The following PLB1 variants were observed in gnomAD, a reference collection of about 807,000 sequenced individuals.
PLB1 encodes phospholipase B1, also known as phospholipase B1, membrane-associated.
Under a neutral mutation model 227.4 loss-of-function variants are expected in PLB1, and 242 were observed. The ratio of observed to expected loss-of-function variants is 1.06; its 90% CI spans 0.96 to 1.18. The LOEUF is 1.18. Ranked by LOEUF, PLB1 falls within the 50% of genes most tolerant of loss-of-function variation. The pLI is 0.00. For synonymous variants in PLB1, 757 were observed against 682.2 expected (o/e 1.11, Z -1.71); for missense variants, 1,858 against 1,816.3 (o/e 1.02, Z -0.42).
Position 28,529,744 on chromosome 2 carries a change from G to A in PLB1, c.433G>A (p.Ala145Thr). Residue 145 changes from alanine to threonine, a missense_variant, in exon 8 of 58, where the codon GCT becomes ACT. By Grantham distance (58) the Ala-to-Thr change is moderately conservative. Transcript: ENST00000327757. ...HDGAEDLWIQ[A>T]QELVRNMKEN... is the part of the protein sequence containing the mutation. ...TCTGCACAGAGACTTGTGGATTCAGGCTCAAGAACTGGTGAGAAACATGAA... is the reference window on the plus strand; with the variant it reads ...TCTGCACAGAGACTTGTGGATTCAGACTCAAGAACTGGTGAGAAACATGAA... The A allele has an allele frequency of 6.2e-7, 1 of 1,614,090 alleles. No individual in the cohort carries two copies. The highest frequency in any genetic ancestry group is 2.2e-5 in the East Asian group (1 of 44,872).
chr2:28,519,777 G>T lies in PLB1; in HGVS notation c.243+14G>T. 6.2e-7 allele frequency: 1 copy of T among 1,603,236 alleles called. No homozygotes were observed. Among genetic ancestry groups the T allele is most frequent in the Non-Finnish European group, 8.5e-7 (1 of 1,170,154 alleles). ...AATCTGGAAATTGTGAGTATTTGAA[G>T]TAGCTTGGGGCAGGAGACAGAGTTT... is the stretch of plus-strand genomic sequence containing the variant. On this transcript the variant is annotated intron_variant, in intron 4 of 57. Coordinates refer to ENST00000327757, the MANE Select transcript of PLB1 (RefSeq NM_153021.5).
chr2:28,578,183 G>T (rs1215034013), intron 22 of PLB1, 25 bp downstream of exon 22: 1 of 1,611,362 alleles, frequency 6.2e-7, no homozygotes, highest in African/African-American at 1.3e-5. Context: ...TGGGAAGTAG[G>T]CAGGAAAAAT....
intron 1 of PLB1, 32 bp downstream of exon 1, chr2:28,496,201 G>A: frequency 6.2e-7 from 1 of 1,606,858 alleles, no homozygotes; most frequent in Non-Finnish European, 8.5e-7. Flanking sequence ...AGGACAACCA[G>A]TGGTTTAGCC....
intron 26 of PLB1, among the ~76,000 whole-genome samples, chr2:28,589,248 A>T (rs748619444): frequency 9.2e-5 from 14 of 152,106 alleles, no homozygotes; most frequent in Non-Finnish European, 1.6e-4. Context: ...ATCGCAGCAG[A>T]GTTTGGGGCC....
At chr2:28,620,432 C>T (rs1686868814) in intron 47 of PLB1, 100 bp downstream of exon 47, 3 of 1,354,462 alleles carry the variant, frequency 2.2e-6, no homozygotes, top group Non-Finnish European at 3.0e-6. Context: ...GTTGGGTCCC[C>T]AGGTCCCAGC....
chr2:28,610,939 C>T (rs1685361732), intron 43 of PLB1, among the ~76,000 whole-genome samples: 1 of 152,168 alleles, frequency 6.6e-6, no homozygotes, highest in African/African-American at 2.4e-5. Context: ...GCCAGTCAGG[C>T]TCAATCAAAC....
Position 28,532,110 on chromosome 2 carries a change from A to G in PLB1, c.471A>G (p.Gln157=), listed in dbSNP as rs764574186. ...CATGCTGTTGCCCTTTTATTCAGCA[A>G]CTTGACTTTCAATTTGACTGGAAGC... The part of the protein sequence containing the change: ...ELVRNMKENL[Q]LDFQFDWKLI... The change falls in exon 9 of 58, where the codon CAA becomes CAG. Residue 157 remains glutamine, a splice_region_variant and synonymous_variant. Coordinates refer to ENST00000327757, the MANE Select transcript of PLB1 (RefSeq NM_153021.5). The G allele has an allele frequency of 2.5e-6, 4 of 1,610,940 alleles. No individual in the cohort carries two copies. The highest frequency in any genetic ancestry group is 3.4e-6 in the Non-Finnish European group (4 of 1,178,394).
At chr2:28,619,523 T>G (rs1044170302) in intron 46 of PLB1, among the ~76,000 whole-genome samples, 5 of 110,964 alleles carry the variant, frequency 4.5e-5, no homozygotes, top group African/African-American at 1.1e-4. Flanking sequence ...TTCAAGGTTT[T>G]GTTTTTTTTT....
intron 4 of PLB1, 46 bp from the exon 5 acceptor site, chr2:28,525,221 C>T (rs376503764): frequency 1.9e-6 from 3 of 1,594,336 alleles, no homozygotes; most frequent in Non-Finnish European, 2.6e-6. Context: ...AGAAGAGGCT[C>T]TGCCACCTCC....
chr2:28,540,537 A>G, intron 12 of PLB1, 96 bp downstream of exon 12: 1 of 1,005,574 alleles, frequency 9.9e-7, no homozygotes, highest in Non-Finnish European at 1.5e-6. Flanking sequence ...TGAGTTTGCT[A>G]ATGTTAGGAC....
intron 26 of PLB1, among the ~76,000 whole-genome samples, chr2:28,587,458 A>G (rs1681090834): frequency 6.6e-6 from 1 of 152,100 alleles, no homozygotes; most frequent in Admixed American, 6.5e-5. Flanking sequence ...AAAAATACCA[A>G]AATTAGTCGG....
rs565442462 is a variant in PLB1 at position 28,581,486 on chromosome 2, AAAATAAATAAATAAATAAAT to A, written c.1567-550_1567-531del. The stretch of plus-strand genomic sequence containing the variant: ...GAGTAGATCCAGAGCTCCACGCAAA[AAAATAAATAAATAAATAAAT>A]AAATAAATAAATAAATAAATAAATA... On this transcript the variant is annotated intron_variant, in intron 23 of 57. Coordinates refer to ENST00000327757, the MANE Select transcript of PLB1 (RefSeq NM_153021.5). Among the ~76,000 whole-genome samples, 278 of 111,174 alleles carry A rather than the reference AAAATAAATAAATAAATAAAT, an allele frequency of 2.5e-3. 6 individuals carry two copies. Among genetic ancestry groups the A allele is most frequent in the African/African-American group, 0.01 (242 of 24,050 alleles). The allele number at this position is 111,174 out of a possible 152,430, so 72.9% of individuals were successfully genotyped here.
intron 1 of PLB1, among the ~76,000 whole-genome samples, chr2:28,503,597 C>T (rs937867537): frequency 2.0e-5 from 3 of 152,220 alleles, no homozygotes; most frequent in African/African-American, 7.2e-5. Flanking sequence ...CATCTCATCC[C>T]TGTTCCACAT....
At chr2:28,621,105 T>C (rs2148327657) in intron 49 of PLB1, 127 bp downstream of exon 49, 3 of 714,122 alleles carry the variant, frequency 4.2e-6, no homozygotes, top group Non-Finnish European at 4.7e-6. Flanking sequence ...TGCAGGACTT[T>C]CTATGTGAAT....
rs1441212767 is a variant in PLB1 at position 28,604,717 on chromosome 2, G to A, written c.2919G>A (p.Val973=). The change falls in exon 41 of 58, where the codon GTG becomes GTA. Residue 973 remains valine (V), a synonymous_variant. Coordinates refer to ENST00000327757, the MANE Select transcript of PLB1 (RefSeq NM_153021.5). ...RYDTQEDFSV[V]LQPFFQNIQL... ...ACACGCAGGAGGACTTCTCTGTGGTGCTGCAGCCCTTCTTCCAGAACATCC... is the reference window on the plus strand; with the variant it reads ...ACACGCAGGAGGACTTCTCTGTGGTACTGCAGCCCTTCTTCCAGAACATCC... 6.2e-7 allele frequency: 1 copy of A among 1,614,178 alleles called. No individual in the cohort carries two copies. The highest frequency in any genetic ancestry group is 8.5e-7 in the Non-Finnish European group (1 of 1,180,010).
At chr2:28,587,277 A>G (rs1681057066) in intron 26 of PLB1, among the ~76,000 whole-genome samples, 2 of 152,346 alleles carry the variant, frequency 1.3e-5, no homozygotes, top group South Asian at 2.1e-4. Context: ...GAGCTATGCC[A>G]TCAGGAATCA....
chr2:28,640,630 T>C (rs1689861463), intron 56 of PLB1, among the ~76,000 whole-genome samples: 1 of 152,198 alleles, frequency 6.6e-6, no homozygotes, highest in Non-Finnish European at 1.5e-5. Context: ...GCAGACTTCC[T>C]GTGGACTCAG....
At position 28,539,194 on chromosome 2, in the gene PLB1, G is replaced by C. The variant is rs1384694535; in HGVS notation, c.698+16G>C. 6.2e-7 allele frequency: 1 copy of C among 1,602,248 alleles called. No homozygotes were observed. Among genetic ancestry groups the C allele is most frequent in the East Asian group, 2.2e-5 (1 of 44,840 alleles). ...CTTGGCTCAGGTAAAAGGGGAAGTG[G>C]AATGAGACACGCATCTGTGACACGG... is the stretch of plus-strand genomic sequence containing the variant. On this transcript the variant is annotated intron_variant, in intron 11 of 57. Coordinates refer to ENST00000327757, the MANE Select transcript of PLB1 (RefSeq NM_153021.5).
intron 23 of PLB1, 97 bp from the exon 24 acceptor site, chr2:28,581,968 GAAA>G (rs5830085): frequency 5.0e-5 from 50 of 991,556 alleles, no homozygotes; most frequent in Middle Eastern, 2.3e-4. Flanking sequence ...CTCAAAAAAA[GAAA>G]AAAAAAAAAG....
Sources: allele counts gnomAD v4.1 joint callset (sites outside exome capture counted in the v4.1 genomes callset), GRCh38; gene constraint gnomAD v4.1.1; transcripts MANE v1.5; gene names NCBI Gene and HGNC (gene_info 2026-07-23, HGNC 2026-07-21).